The following PACS1 variants were observed in gnomAD, a reference collection of about 807,000 sequenced individuals.
PACS1 encodes the protein phosphofurin acidic cluster sorting protein 1, also known as PACS-1.
In PACS1, 24 loss-of-function variants were observed where a neutral mutation model predicts 115.0. That is an observed-to-expected ratio of 0.21 (90% confidence interval 0.15 to 0.29). PACS1 has a LOEUF of 0.29. PACS1 is among the 10% of genes least tolerant of loss of function. PACS1 has a pLI of 1.00. For synonymous variants in PACS1, 453 were observed against 504.5 expected, an observed-to-expected ratio of 0.90 and a Z score of 1.37; for missense variants, 838 against 1,251.2, an observed-to-expected ratio of 0.67 and a Z score of 4.98.
chr11:66,218,305 G>GC (rs1855261631), intron 7 of PACS1: 1 of 152,232 alleles, frequency 6.6e-6, no homozygotes, highest in Admixed American at 6.5e-5. Context: ...TAAGCATCGT[G>GC]CCCAGAGACA....
At chr11:66,199,647 C>T (rs1365224511) in intron 2 of PACS1, among the ~76,000 whole-genome samples, 1 of 152,094 alleles carries the variant, frequency 6.6e-6, no homozygotes, top group Non-Finnish European at 1.5e-5. Context: ...ATAGTAAGGC[C>T]TTACTTATCA....
intron 2 of PACS1, among the ~76,000 whole-genome samples, chr11:66,202,745 ATATATATATATATAT>A (rs1854842684): frequency 1.3e-4 from 4 of 30,720 alleles, no homozygotes; most frequent in Non-Finnish European, 1.4e-4. Context: ...AAAAAAAAAT[ATATATATATATATAT>A]ATATATATAT....
intron 10 of PACS1, among the ~76,000 whole-genome samples, chr11:66,224,266 A>G (rs533725730): frequency 1.3e-5 from 2 of 150,900 alleles, no homozygotes; most frequent in East Asian, 3.9e-4. Context: ...GGCCTCTGTC[A>G]GGGCAAAAAC....
chr11:66,070,554 C>A lies in PACS1; in HGVS notation c.68C>A (p.Ser23Tyr). 1 of 1,419,248 alleles carries A rather than the reference C, an allele frequency of 7.0e-7. No individual in the cohort carries two copies. The highest frequency in any genetic ancestry group is 9.1e-7 in the Non-Finnish European group (1 of 1,093,328). 87.9% of individuals were successfully genotyped at this position (1,419,248 alleles called of 1,614,324 possible). ...GGGGGCGGCAGCGGCCAGCGGGGAT[C>A]CGGGGTCGCCCAGTCCCCTCAGCAG... ...GAGGGSGQRG[S>Y]GVAQSPQQPP... is the part of the protein sequence containing the mutation. Residue 23 changes from serine to tyrosine, a missense_variant, in exon 1 of 24, where the codon TCC becomes TAC. Transcript: ENST00000320580. The surrounding 1 kb of genome is among the most constrained non-coding windows in gnomAD (Gnocchi z 5.9).
Position 66,188,096 on chromosome 11 carries a change from G to A in PACS1, c.357-5390G>A, listed in dbSNP as rs748954772. On this transcript the variant is annotated intron_variant, in intron 1 of 23. Coordinates refer to ENST00000320580, the MANE Select transcript of PACS1 (RefSeq NM_018026.4). Reference sequence around the variant, plus strand: ...GAATTTTTTTTTTATATGTTCGTTGGCTATTTGTATGTTTTCTTTTGAGAA... The same window carrying A: ...GAATTTTTTTTTTATATGTTCGTTGACTATTTGTATGTTTTCTTTTGAGAA... Among the ~76,000 whole-genome samples the A allele has an allele frequency of 4.6e-4, 69 of 150,176 alleles. No individual in the cohort carries two copies. The Middle Eastern group carries it at 0.011, about 23-fold the overall frequency.
chr11:66,153,601 G>T (rs1006037821), intron 1 of PACS1, among the ~76,000 whole-genome samples: 2 of 152,094 alleles, frequency 1.3e-5, no homozygotes, highest in Non-Finnish European at 2.9e-5. Flanking sequence ...CTAACACGGT[G>T]AAACCCCGTC....
At chr11:66,167,343 TTTTTTTTTG>T (rs1390573380) in intron 1 of PACS1, among the ~76,000 whole-genome samples, 1 of 139,530 alleles carries the variant, frequency 7.2e-6, no homozygotes, top group East Asian at 2.0e-4. Flanking sequence ...CTTTTTTTTT[TTTTTTTTTG>T]TTGAGACAGG....
At chr11:66,147,859 A>G (rs940090931) in intron 1 of PACS1, among the ~76,000 whole-genome samples, 6 of 152,314 alleles carry the variant, frequency 3.9e-5, no homozygotes, top group Admixed American at 2.6e-4. Flanking sequence ...CTGTGACACA[A>G]ATGATAAATG....
rs1025147186 is a variant in PACS1 at position 66,070,332 on chromosome 11, CCA to C, written c.-154_-153del. ...GCGGTCGAGCGCGAGGCCCGCGCGC[CCA>C]GAGGCCCCGCGCGTGCGTGCAGCTC... is the stretch of plus-strand genomic sequence containing the variant. On this transcript the variant is annotated 5_prime_UTR_variant, in exon 1 of 24. Transcript: ENST00000320580. The surrounding 1 kb of genome is among the most constrained non-coding windows in gnomAD (Gnocchi z 5.9). 3.7e-5 allele frequency: 10 copies of C among 271,794 alleles called. No homozygotes were observed. Among genetic ancestry groups the C allele is most frequent in the Non-Finnish European group, 5.6e-5 (9 of 159,544 alleles). 16.8% of individuals were successfully genotyped at this position (271,794 alleles called of 1,614,324 possible).
At chr11:66,169,049 C>G (rs1859679366) in intron 1 of PACS1, among the ~76,000 whole-genome samples, 1 of 150,126 alleles carries the variant, frequency 6.7e-6, no homozygotes, top group Non-Finnish European at 1.5e-5. Context: ...AGCTGAACAG[C>G]CTTCTCAAAT....
At chr11:66,080,916 C>T (rs1408362827) in intron 1 of PACS1, among the ~76,000 whole-genome samples, 1 of 152,084 alleles carries the variant, frequency 6.6e-6, no homozygotes, top group African/African-American at 2.4e-5. Context: ...TTCAACTTTT[C>T]TCATCTGTAA....
intron 17 of PACS1, among the ~76,000 whole-genome samples, chr11:66,234,736 G>A (rs1435800925): frequency 1.3e-5 from 2 of 152,130 alleles, no homozygotes; most frequent in East Asian, 1.9e-4. Context: ...AATTAGCTGG[G>A]TATGTTGGTG....
chr11:66,214,925 C>A (rs1242197824), intron 4 of PACS1, among the ~76,000 whole-genome samples: 3 of 151,396 alleles, frequency 2.0e-5, no homozygotes, highest in Non-Finnish European at 4.4e-5. Flanking sequence ...CCCGGCCAAG[C>A]AACCATTTTC....
At chr11:66,082,325 A>G (rs537000530) in intron 1 of PACS1, among the ~76,000 whole-genome samples, 66 of 152,120 alleles carry the variant, frequency 4.3e-4, no homozygotes, top group Non-Finnish European at 7.8e-4. Context: ...CCTGGACTCA[A>G]GTGATCCTCT....
At chr11:66,127,206 G>C (rs1190914766) in intron 1 of PACS1, among the ~76,000 whole-genome samples, 1 of 152,196 alleles carries the variant, frequency 6.6e-6, no homozygotes, top group Non-Finnish European at 1.5e-5. Flanking sequence ...TCAGTGTTGA[G>C]ACTCACATGT....
At chr11:66,095,754 G>A (rs1018502013) in intron 1 of PACS1, among the ~76,000 whole-genome samples, 1 of 151,962 alleles carries the variant, frequency 6.6e-6, no homozygotes, top group Non-Finnish European at 1.5e-5. Flanking sequence ...CACCACGCCC[G>A]GCCTCATTAT....
intron 2 of PACS1, among the ~76,000 whole-genome samples, chr11:66,206,680 A>C (rs1854947681): frequency 6.6e-6 from 1 of 152,172 alleles, no homozygotes; most frequent in South Asian, 2.1e-4. Context: ...ACTAAGATAA[A>C]GGGGACCGAG....
chr11:66,091,436 C>T (rs1249079555), intron 1 of PACS1, among the ~76,000 whole-genome samples: 1 of 152,064 alleles, frequency 6.6e-6, no homozygotes, highest in Non-Finnish European at 1.5e-5. Flanking sequence ...CCACCACGCC[C>T]AGCCTGGTTT....
chr11:66,145,210 C>G (rs1859091259), intron 1 of PACS1, among the ~76,000 whole-genome samples: 1 of 152,152 alleles, frequency 6.6e-6, no homozygotes, highest in African/African-American at 2.4e-5. Context: ...TGCCAAACTT[C>G]AGGTAAGAAC....
Sources: gnomAD v4.1 joint callset for allele counts (sites outside exome capture counted in the v4.1 genomes callset) on GRCh38, gnomAD v4.1.1 for gene constraint, Gnocchi (gnomAD v3.1) non-coding constraint, MANE v1.5 for transcripts, NCBI Gene and HGNC (gene_info 2026-07-23, HGNC 2026-07-21) for gene names.